RORB: variants seen among roughly 807,000 people sequenced by gnomAD.
The protein encoded by RORB is nuclear receptor ROR-beta.
A neutral mutation model predicts 59.1 loss-of-function variants in RORB; 6 were observed. That is an observed-to-expected ratio of 0.10 (90% CI 0.06 to 0.20). The LOEUF (loss-of-function observed/expected upper bound fraction) is 0.20, where lower values mean the gene tolerates loss of function less well. Ranked by LOEUF, RORB falls within the 10% of genes least tolerant of loss-of-function variation. The pLI, the probability that RORB is intolerant of heterozygous loss-of-function variation, is 1.00. For synonymous variants in RORB, 215 were observed against 204.5 expected, an observed-to-expected ratio of 1.05 and a Z score of -0.44; for missense variants, 320 against 560.5, an observed-to-expected ratio of 0.57 and a Z score of 4.33.
intron 9 of RORB, among the ~76,000 whole-genome samples, chr9:74,685,012 A>G (rs1824617153): frequency 6.6e-6 from 1 of 152,168 alleles, no homozygotes; most frequent in African/African-American, 2.4e-5. Flanking sequence ...TTTTGTAGGA[A>G]TTACCTCCCT....
At chr9:74,559,492 C>T (rs1466717863) in intron 1 of RORB, among the ~76,000 whole-genome samples, 2 of 152,118 alleles carry the variant, frequency 1.3e-5, no homozygotes, top group Non-Finnish European at 2.9e-5. Context: ...TACCATGATT[C>T]CTTGCATGTT....
At position 74,685,529 on chromosome 9, in the gene RORB, A is replaced by G. The variant is rs2118583520; in HGVS notation, c.1291A>G (p.Lys431Glu). The G allele has an allele frequency of 1.2e-6, 2 of 1,613,568 alleles. No individual in the cohort carries two copies. Among genetic ancestry groups the G allele is most frequent in the African/African-American group, 2.7e-5 (2 of 75,028 alleles). ...NLHGEKLQVF[K>E]QSHPEIVNTL... ...GCACGGGGAGAAGCTGCAGGTATTT[A>G]AGCAATCTCATCCAGAGATAGTGAA... The change falls in exon 10 of 10, where the codon AAG becomes GAG. Residue 431 changes from lysine (K) to glutamate (E), a missense_variant. This residue lies in a region of RORB where 109 missense variants were observed against 171.0 expected (regional missense o/e 0.64). Coordinates refer to ENST00000376896, the MANE Select transcript of RORB (RefSeq NM_006914.4).
intron 4 of RORB, among the ~76,000 whole-genome samples, chr9:74,656,451 C>T (rs1362373084): frequency 6.6e-6 from 1 of 152,148 alleles, no homozygotes; most frequent in Admixed American, 6.5e-5. Flanking sequence ...AAACAAAAAC[C>T]AAGGCCGGGC....
intron 1 of RORB, among the ~76,000 whole-genome samples, chr9:74,501,429 C>T (rs961254247): frequency 6.6e-6 from 1 of 152,060 alleles, no homozygotes; most frequent in African/African-American, 2.4e-5. Context: ...TCTTAATTTC[C>T]TCCACAAGTT....
chr9:74,673,274 A>C (rs934940882), intron 9 of RORB, among the ~76,000 whole-genome samples: 5 of 152,168 alleles, frequency 3.3e-5, no homozygotes, highest in African/African-American at 1.2e-4. Context: ...ACATCTTGTT[A>C]ATTAATGTGG....
intron 9 of RORB, among the ~76,000 whole-genome samples, chr9:74,676,133 T>C (rs1824437383): frequency 6.6e-6 from 1 of 152,220 alleles, no homozygotes; most frequent in African/African-American, 2.4e-5. Context: ...CTCAGATGCA[T>C]GGGTCTAGCC....
intron 1 of RORB, among the ~76,000 whole-genome samples, chr9:74,571,488 G>C (rs1822551044): frequency 6.6e-6 from 1 of 150,926 alleles, no homozygotes; most frequent in Non-Finnish European, 1.5e-5. Context: ...TCTATTCACT[G>C]TCTCACATTT....
intron 4 of RORB, among the ~76,000 whole-genome samples, chr9:74,647,666 C>G (rs886607942): frequency 2.6e-5 from 4 of 152,098 alleles, no homozygotes; most frequent in Middle Eastern, 3.2e-3. Flanking sequence ...ATATAAATCT[C>G]TTTTTTAAAA....
At chr9:74,552,218 A>G (rs1186033144) in intron 1 of RORB, among the ~76,000 whole-genome samples, 1 of 152,184 alleles carries the variant, frequency 6.6e-6, no homozygotes, top group Non-Finnish European at 1.5e-5. Flanking sequence ...TTCTAAGGTA[A>G]TGAGAATCTC....
intron 1 of RORB, among the ~76,000 whole-genome samples, chr9:74,527,719 C>T (rs1391993931): frequency 6.6e-6 from 1 of 152,056 alleles, no homozygotes; most frequent in Non-Finnish European, 1.5e-5. Flanking sequence ...AAGGCCAGTG[C>T]TCTTTGCACC....
intron 2 of RORB, among the ~76,000 whole-genome samples, chr9:74,631,616 A>C (rs1036922041): frequency 6.6e-6 from 1 of 152,206 alleles, no homozygotes; most frequent in South Asian, 2.1e-4. Flanking sequence ...GGAGTGAAGA[A>C]AAGAAAAGGA....
chr9:74,609,517 A>C (rs1040768003), intron 1 of RORB, among the ~76,000 whole-genome samples: 2 of 152,168 alleles, frequency 1.3e-5, no homozygotes, highest in Non-Finnish European at 2.9e-5. Context: ...CTTCAGGAGA[A>C]TTTTTTCAGT....
intron 4 of RORB, among the ~76,000 whole-genome samples, chr9:74,651,463 A>G (rs1235177322): frequency 6.6e-6 from 1 of 151,716 alleles, no homozygotes; most frequent in East Asian, 1.9e-4. Flanking sequence ...TGAACCTGGG[A>G]GGCAGAGGTT....
intron 1 of RORB, among the ~76,000 whole-genome samples, chr9:74,618,412 T>C (rs564580700): frequency 7.9e-5 from 12 of 152,216 alleles, no homozygotes; most frequent in South Asian, 2.1e-4. Context: ...TCCACTCACA[T>C]ACCTCATGAG....
intron 1 of RORB, among the ~76,000 whole-genome samples, chr9:74,608,112 G>T (rs1019700919): frequency 6.6e-6 from 1 of 152,112 alleles, no homozygotes; most frequent in African/African-American, 2.4e-5. Flanking sequence ...TAGAGTATCC[G>T]CTCAACAAAG....
chr9:74,551,784 GA>G (rs1337703686), intron 1 of RORB, among the ~76,000 whole-genome samples: 1 of 152,110 alleles, frequency 6.6e-6, no homozygotes, highest in Non-Finnish European at 1.5e-5. Context: ...TTTGTCCTGG[GA>G]AAAAAATTAT....
intron 1 of RORB, among the ~76,000 whole-genome samples, chr9:74,546,801 T>C (rs1236496000): frequency 6.6e-6 from 1 of 152,164 alleles, no homozygotes; most frequent in African/African-American, 2.4e-5. Context: ...TGAGTGAGTT[T>C]AGAGGTGATA....
chr9:74,646,270 TA>T (rs1823896879), intron 4 of RORB, among the ~76,000 whole-genome samples: 1 of 152,190 alleles, frequency 6.6e-6, no homozygotes, highest in Admixed American at 6.5e-5. Context: ...AGATCGCTTT[TA>T]AAAACCAGTT....
chr9:74,586,701 A>G (rs1355135253), intron 1 of RORB, among the ~76,000 whole-genome samples: 1 of 151,732 alleles, frequency 6.6e-6, no homozygotes, highest in African/African-American at 2.4e-5. Flanking sequence ...CCACATGGAC[A>G]AAGTTGGAAT....
Sources: gnomAD v4.1 joint callset for allele counts (sites outside exome capture counted in the v4.1 genomes callset) on GRCh38, gnomAD v4.1.1 for gene constraint, gnomAD v4.1.1 regional missense constraint, MANE v1.5 for transcripts, NCBI Gene and HGNC (gene_info 2026-07-23, HGNC 2026-07-21) for gene names.